AKAIN1: variants seen among roughly 807,000 people sequenced by gnomAD.
AKAIN1 encodes A-kinase anchor protein inhibitor 1.
In AKAIN1, 3 loss-of-function variants were observed where a neutral mutation model predicts 3.7. That is an observed-to-expected ratio of 0.82 (90% CI 0.37 to 2.12). The LOEUF (loss-of-function observed/expected upper bound fraction) is 2.12. AKAIN1 is among the 30% of genes most tolerant of loss of function. AKAIN1 has a pLI of 0.06. For missense variants in AKAIN1, 82 were observed against 82.7 expected (o/e 0.99, Z 0.03); for synonymous variants, 31 against 30.8 (o/e 1.01, Z -0.02).
At chr18:5,187,295 A>C (rs2071293176) in intron 1 of AKAIN1, among the ~76,000 whole-genome samples, 1 of 152,204 alleles carries the variant, frequency 6.6e-6, no homozygotes, top group South Asian at 2.1e-4. Flanking sequence ...CCACGCAGAC[A>C]AGGAAAACCA....
chr18:5,163,805 G>T (rs550772070), intron 1 of AKAIN1: 1 of 151,978 alleles, frequency 6.6e-6, no homozygotes, highest in South Asian at 2.1e-4. Flanking sequence ...CAGGTGAATC[G>T]ATGTAGAACA....
intron 1 of AKAIN1, among the ~76,000 whole-genome samples, chr18:5,183,042 T>C (rs193103523): frequency 1.6e-4 from 24 of 152,216 alleles, no homozygotes; most frequent in Admixed American, 1.0e-3. Context: ...TTAATAACTG[T>C]GCTGCATACA....
intron 1 of AKAIN1, among the ~76,000 whole-genome samples, chr18:5,193,402 A>G (rs955229602): frequency 2.0e-5 from 3 of 152,166 alleles, no homozygotes; most frequent in Non-Finnish European, 1.5e-5. Context: ...TAATCCCTGA[A>G]TTATATATTA....
At chr18:5,184,599 A>G (rs1234351459) in intron 1 of AKAIN1, among the ~76,000 whole-genome samples, 9 of 152,024 alleles carry the variant, frequency 5.9e-5, no homozygotes, top group Admixed American at 6.6e-5. Flanking sequence ...CAATAGACAC[A>G]AAAAAGAATA....
Position 5,149,258 on chromosome 18 carries a change from A to G in AKAIN1, c.17-3503T>C, listed in dbSNP as rs541396238. The stretch of plus-strand genomic sequence containing the variant: ...AAGAGAGGGATTAAGGTTGGGAGAA[A>G]AGCCACCCAGAGCACTTAACAGATA... On this transcript the variant is annotated intron_variant, in intron 1 of 1. Coordinates refer to ENST00000434239, the MANE Select transcript of AKAIN1 (RefSeq NM_001145194.2). Among the ~76,000 whole-genome samples the G allele has an allele frequency of 2.4e-4, 36 of 152,296 alleles. No homozygotes were observed. In the East Asian group the frequency reaches 6.8e-3, roughly 29 times the overall value.
rs2071043472 is a variant in AKAIN1, at chr18:5,145,537, C to A, written c.*25G>T. 1.3e-6 allele frequency: 2 copies of A among 1,544,568 alleles called. No individual in the cohort carries two copies. Among genetic ancestry groups the A allele is most frequent in the Non-Finnish European group, 1.8e-6 (2 of 1,142,644 alleles). ...TAAGAGGAAGGCTAGAAACCAAGCA[C>A]ATGTCAAGAGCCAAATCCACCATGT... On this transcript the variant is annotated 3_prime_UTR_variant, in exon 2 of 2. Transcript: ENST00000434239.
intron 1 of AKAIN1, among the ~76,000 whole-genome samples, chr18:5,185,632 A>C (rs903359406): frequency 3.3e-5 from 5 of 152,192 alleles, no homozygotes; most frequent in African/African-American, 1.2e-4. Flanking sequence ...AATGAAAATT[A>C]AAACAACGAG....
intron 1 of AKAIN1, among the ~76,000 whole-genome samples, chr18:5,191,044 T>C (rs917577297): frequency 1.3e-5 from 2 of 152,098 alleles, no homozygotes; most frequent in Non-Finnish European, 2.9e-5. Flanking sequence ...TAATAAAAAG[T>C]ATCCACAACA....
chr18:5,191,567 A>C (rs1271103490), intron 1 of AKAIN1, among the ~76,000 whole-genome samples: 2 of 152,136 alleles, frequency 1.3e-5, no homozygotes, highest in Non-Finnish European at 2.9e-5. Flanking sequence ...TTCTCCACAC[A>C]CTGATCCATA....
rs142147429 is a variant in AKAIN1 at position 5,145,536 on chromosome 18, A to G, written c.*26T>C. 5.1e-5 allele frequency: 79 copies of G among 1,543,952 alleles called. No individual in the cohort carries two copies. The African/African-American group carries it at 9.5e-4, about 18-fold the overall frequency. ...CTAAGAGGAAGGCTAGAAACCAAGC[A>G]CATGTCAAGAGCCAAATCCACCATG... On this transcript the variant is annotated 3_prime_UTR_variant, in exon 2 of 2. Transcript: ENST00000434239.
intron 1 of AKAIN1, among the ~76,000 whole-genome samples, chr18:5,155,554 G>C (rs1377046487): frequency 2.6e-5 from 4 of 152,148 alleles, no homozygotes; most frequent in African/African-American, 4.8e-5. Flanking sequence ...TGCCCTGCAG[G>C]CTGTAGCCCT....
intron 1 of AKAIN1, among the ~76,000 whole-genome samples, chr18:5,192,386 T>TTTCTTTCC (rs2143038318): frequency 8.2e-5 from 1 of 12,146 alleles, no homozygotes; most frequent in South Asian, 4.2e-3. Context: ...CAGAGCTAAT[T>TTTCTTTCC]TTCTTTCTTT....
intron 1 of AKAIN1, among the ~76,000 whole-genome samples, chr18:5,170,029 A>G (rs535117155): frequency 6.6e-6 from 1 of 152,268 alleles, no homozygotes; most frequent in South Asian, 2.1e-4. Flanking sequence ...TGCCTTCTGT[A>G]TTACTAATTC....
intron 1 of AKAIN1, among the ~76,000 whole-genome samples, chr18:5,188,590 G>A (rs1433044757): frequency 1.3e-5 from 2 of 151,948 alleles, no homozygotes; most frequent in African/African-American, 4.8e-5. Context: ...TACCTATCAG[G>A]CCTTGCTGCA....
intron 1 of AKAIN1, among the ~76,000 whole-genome samples, chr18:5,166,774 C>T (rs2071170139): frequency 4.6e-5 from 7 of 152,022 alleles, no homozygotes; most frequent in African/African-American, 1.7e-4. Context: ...GAATATTAAT[C>T]ACAGTAAGCA....
chr18:5,180,576 T>G (rs2071252317), intron 1 of AKAIN1, among the ~76,000 whole-genome samples: 1 of 152,150 alleles, frequency 6.6e-6, no homozygotes, highest in South Asian at 2.1e-4. Flanking sequence ...TAGAGTAAAG[T>G]AACTGTTAAT....
chr18:5,169,190 G>C (rs1023704430), intron 1 of AKAIN1, among the ~76,000 whole-genome samples: 1 of 152,042 alleles, frequency 6.6e-6, no homozygotes, highest in South Asian at 2.1e-4. Flanking sequence ...GGGAAACCTC[G>C]GTCTTTGCTC....
At position 5,160,723 on chromosome 18, in the gene AKAIN1, T is replaced by C. The variant is rs141249415; in HGVS notation, c.17-14968A>G. Among the ~76,000 whole-genome samples the C allele has an allele frequency of 2.5e-3, 388 of 152,284 alleles. 3 individuals are homozygous for C. Among genetic ancestry groups the C allele is most frequent in the African/African-American group, 8.9e-3 (370 of 41,574 alleles). On this transcript the variant is annotated intron_variant, in intron 1 of 1. Transcript: ENST00000434239. Reference sequence around the variant, plus strand: ...GGTACTTTAATCCAGTTGGAATTGATTTTTGTGCATAGTGTGAGGTAAGGA... The same window carrying C: ...GGTACTTTAATCCAGTTGGAATTGACTTTTGTGCATAGTGTGAGGTAAGGA...
chr18:5,151,678 A>T (rs929510147), intron 1 of AKAIN1, among the ~76,000 whole-genome samples: 2 of 152,078 alleles, frequency 1.3e-5, no homozygotes, highest in African/African-American at 4.8e-5. Context: ...GTCACCCCTG[A>T]CTCTACCTAC....
Sources: gnomAD v4.1 joint callset for allele counts (sites outside exome capture counted in the v4.1 genomes callset) on GRCh38, gnomAD v4.1.1 for gene constraint, MANE v1.5 for transcripts, NCBI Gene and HGNC (gene_info 2026-07-23, HGNC 2026-07-21) for gene names.